NBAS: variants seen among roughly 807,000 people sequenced by gnomAD.
The protein encoded by NBAS is NBAS subunit of NRZ tethering complex.
A neutral mutation model predicts 302.5 loss-of-function variants in NBAS; 219 were observed. The observed-to-expected ratio is 0.72, with a 90% CI of 0.65 to 0.81. NBAS has a LOEUF of 0.81. NBAS is among the 30% of genes least tolerant of loss of function. The probability of loss-of-function intolerance (pLI) is 0.00; values close to 1 mark genes in which losing one functional copy is unlikely to be tolerated. For missense variants in NBAS, 2,932 were observed against 2,841.6 expected (o/e 1.03, Z -0.72); for synonymous variants, 1,118 against 1,021.6 (o/e 1.09, Z -1.80).
the NBAS span, among the ~76,000 whole-genome samples, chr2:14,818,769 A>G: frequency 1.6e-4 from 25 of 152,328 alleles, no homozygotes; most frequent in East Asian, 4.6e-3. Context: ...AAGGCAAGCT[A>G]CTGAGGATAC....
the NBAS span, among the ~76,000 whole-genome samples, chr2:15,154,344 T>C: frequency 6.6e-6 from 1 of 152,198 alleles, no homozygotes; most frequent in Non-Finnish European, 1.5e-5. Context: ...CGGGGGCCTC[T>C]GTGGGGAGAA....
At chr2:14,841,408 A>G in the NBAS span, among the ~76,000 whole-genome samples, 1 of 151,678 alleles carries the variant, frequency 6.6e-6, no homozygotes, top group African/African-American at 2.4e-5. Context: ...AGAGCCAACT[A>G]TATATTGCCT....
the NBAS span, among the ~76,000 whole-genome samples, chr2:14,869,771 A>C: frequency 1.2e-3 from 176 of 152,244 alleles, 3 homozygotes; most frequent in Admixed American, 9.8e-3. Context: ...AAAACTAGGC[A>C]AAAAGGTAGC....
At chr2:14,807,454 A>AGTGT in the NBAS span, among the ~76,000 whole-genome samples, 133 of 147,342 alleles carry the variant, frequency 9.0e-4, no homozygotes, top group East Asian at 2.8e-3. Context: ...TGTGTGTGTG[A>AGTGT]GTGTGTGTGT....
At chr2:15,418,708 T>G (rs1252143859) in intron 23 of NBAS, among the ~76,000 whole-genome samples, 1 of 152,000 alleles carries the variant, frequency 6.6e-6, no homozygotes, top group African/African-American at 2.4e-5. Flanking sequence ...GAAGGAAGAT[T>G]ATGGGAAGGA....
At chr2:15,216,590 A>G (rs1461596197) in intron 48 of NBAS, among the ~76,000 whole-genome samples, 2 of 152,240 alleles carry the variant, frequency 1.3e-5, no homozygotes, top group Non-Finnish European at 2.9e-5. Context: ...TAAAATCTCA[A>G]AAATATTCAG....
chr2:14,868,584 G>A, the NBAS span, among the ~76,000 whole-genome samples: 144 of 152,236 alleles, frequency 9.5e-4, no homozygotes, highest in Middle Eastern at 0.01. Flanking sequence ...AGGCACGGAC[G>A]GAATTTTTTC....
the NBAS span, among the ~76,000 whole-genome samples, chr2:15,053,418 G>T: frequency 3.3e-5 from 5 of 152,304 alleles, no homozygotes; most frequent in Admixed American, 2.0e-4. Flanking sequence ...CCTTGAACCA[G>T]GTCTAAGCCT....
chr2:14,792,446 G>A, the NBAS span, among the ~76,000 whole-genome samples: 1 of 152,158 alleles, frequency 6.6e-6, no homozygotes, highest in African/African-American at 2.4e-5. Flanking sequence ...ACTAGGGGAT[G>A]TAGCTTTTCA....
chr2:15,453,655 C>T (rs1679121456), intron 21 of NBAS, among the ~76,000 whole-genome samples: 1 of 152,214 alleles, frequency 6.6e-6, no homozygotes, highest in South Asian at 2.1e-4. Flanking sequence ...TACTCAATTA[C>T]AGTCCATCTG....
At chr2:15,296,469 T>G (rs1670553044) in intron 40 of NBAS, among the ~76,000 whole-genome samples, 1 of 151,900 alleles carries the variant, frequency 6.6e-6, no homozygotes, top group Non-Finnish European at 1.5e-5. Context: ...GAGGTTGCAG[T>G]GAGCTGAGAT....
intron 39 of NBAS, among the ~76,000 whole-genome samples, 157 bp from the exon 40 acceptor site, chr2:15,308,510 A>G (rs988406567): frequency 1.3e-5 from 2 of 152,226 alleles, no homozygotes; most frequent in African/African-American, 4.8e-5. Context: ...TATATTAAAA[A>G]TCACAAGGCA....
At chr2:15,436,571 G>T (rs544961386) in intron 21 of NBAS, among the ~76,000 whole-genome samples, 1 of 152,110 alleles carries the variant, frequency 6.6e-6, no homozygotes, top group Non-Finnish European at 1.5e-5. Flanking sequence ...AATATGGCAC[G>T]TTAACCTCAT....
intron 9 of NBAS, among the ~76,000 whole-genome samples, chr2:15,516,902 A>G (rs2148656424): frequency 1.3e-5 from 2 of 152,280 alleles, no homozygotes; most frequent in Middle Eastern, 6.8e-3. Context: ...GCAGATTAAA[A>G]CAACACAGAT....
At chr2:15,190,995 A>C (rs1424044926) in intron 48 of NBAS, among the ~76,000 whole-genome samples, 2 of 152,194 alleles carry the variant, frequency 1.3e-5, no homozygotes, top group African/African-American at 4.8e-5. Flanking sequence ...TTGAATAACT[A>C]AACGATTTTT....
chr2:14,779,241 A>G, the NBAS span, among the ~76,000 whole-genome samples: 6 of 152,144 alleles, frequency 3.9e-5, no homozygotes, highest in Non-Finnish European at 4.4e-5. Context: ...AGGAATTATC[A>G]TTTTGGTTCA....
chr2:15,131,957 C>T, the NBAS span, among the ~76,000 whole-genome samples: 5 of 152,298 alleles, frequency 3.3e-5, no homozygotes, highest in East Asian at 1.9e-4. Flanking sequence ...ACAGCACCAA[C>T]GAGGGATCCA....
intron 48 of NBAS, among the ~76,000 whole-genome samples, chr2:15,212,217 C>T (rs1441836085): frequency 6.6e-6 from 1 of 152,156 alleles, no homozygotes; most frequent in African/African-American, 2.4e-5. Context: ...TTTTGTCTTC[C>T]AACTGGCATC....
At chr2:15,519,238 C>T (rs1477040925) in intron 9 of NBAS, among the ~76,000 whole-genome samples, 1 of 152,194 alleles carries the variant, frequency 6.6e-6, no homozygotes, top group Non-Finnish European at 1.5e-5. Context: ...CTACTTCTAA[C>T]TTTTTGGAAA....
Sources: allele counts gnomAD v4.1 joint callset (sites outside exome capture counted in the v4.1 genomes callset), GRCh38; gene constraint gnomAD v4.1.1; transcripts MANE v1.5; gene names NCBI Gene and HGNC (gene_info 2026-07-23, HGNC 2026-07-21).